The following COL28A1 variants were observed in gnomAD, a reference collection of about 807,000 sequenced individuals.
COL28A1 encodes the protein collagen type XXVIII alpha 1 chain, also known as collagen alpha-1(XXVIII) chain.
A neutral mutation model predicts 150.2 loss-of-function variants in COL28A1; 161 were observed. The observed-to-expected ratio is 1.07, with a 90% confidence interval of 0.94 to 1.22. The LOEUF (loss-of-function observed/expected upper bound fraction) is 1.22. Ranked by LOEUF, COL28A1 falls within the 50% of genes most tolerant of loss-of-function variation. COL28A1 has a pLI of 0.00. For missense variants in COL28A1, 1,617 were observed against 1,388.3 expected, an observed-to-expected ratio of 1.16 and a Z score of -2.62; for synonymous variants, 552 against 469.7, an observed-to-expected ratio of 1.18 and a Z score of -2.26.
intron 15 of COL28A1, among the ~76,000 whole-genome samples, chr7:7,471,926 G>A (rs1788465498): frequency 6.6e-6 from 1 of 152,050 alleles, no homozygotes; most frequent in Non-Finnish European, 1.5e-5. Flanking sequence ...AAAATCACAT[G>A]ATGATCTCAA....
Position 7,435,230 on chromosome 7 carries a change from T to C in COL28A1, c.1860+1165A>G, listed in dbSNP as rs558022348. ...AAACAGAAGTATATGTAGAGAGAGA[T>C]GTATAAATCGGATTGTGAATACACA... On this transcript the variant is annotated intron_variant, in intron 23 of 34. Coordinates refer to ENST00000399429, the MANE Select transcript of COL28A1 (RefSeq NM_001037763.3). Among the ~76,000 whole-genome samples, 87 of 152,322 alleles carry C rather than the reference T, an allele frequency of 5.7e-4. No homozygotes were observed. In the South Asian group the frequency reaches 0.017, roughly 30 times the overall value.
At chr7:7,510,033 C>T (rs1191529158) in intron 9 of COL28A1, among the ~76,000 whole-genome samples, 1 of 152,102 alleles carries the variant, frequency 6.6e-6, no homozygotes, top group East Asian at 1.9e-4. Flanking sequence ...CCCTCTTCTC[C>T]TAACCTTCTG....
At chr7:7,465,429 T>A (rs1788003584) in intron 15 of COL28A1, among the ~76,000 whole-genome samples, 1 of 139,896 alleles carries the variant, frequency 7.1e-6, no homozygotes, top group South Asian at 2.5e-4. Context: ...CGAGACTATA[T>A]CCCCCACCTG....
In COL28A1 at chr7:7,517,793, T is replaced by C; in HGVS notation, c.855+3A>G. The stretch of plus-strand genomic sequence containing the variant: ...TAGGAAGGCATTCCAGTTGTGTACA[T>C]ACCCCTGGACCTCTTTCTCCAGCTT... On this transcript the variant is annotated splice_donor_region_variant and intron_variant, in intron 7 of 34. Transcript: ENST00000399429. The C allele has an allele frequency of 6.2e-7, 1 of 1,613,682 alleles. No homozygotes were observed. The highest frequency in any genetic ancestry group is 1.1e-5 in the South Asian group (1 of 91,068).
chr7:7,440,813 G>A lies in COL28A1; in HGVS notation c.1699C>T (p.Leu567Phe), dbSNP rs761910495. 6 of 1,524,516 alleles carry A rather than the reference G, an allele frequency of 3.9e-6. No homozygotes were observed. Among genetic ancestry groups the A allele is most frequent in the Non-Finnish European group, 5.5e-6 (6 of 1,099,634 alleles). The allele number at this position is 1,524,516 out of a possible 1,614,324, so 94.4% of individuals were successfully genotyped here. A position where few individuals can be genotyped will look rare whatever the true frequency, so the allele number is the denominator to read the frequency against. The part of the protein sequence containing the change: ...GSKGNQGQRG[L>F]PGPEGPKGEP... ...ACCTTTGGTCCTTCGGGCCCTGGAA[G>A]TCCCCTCTGTCCTTGATTTCCTTTG... The change falls in exon 21 of 35, where the codon CTT becomes TTT. Residue 567 changes from leucine (L) to phenylalanine (F), a missense_variant. Leu to Phe is a conservative substitution (Grantham distance 22). Transcript: ENST00000399429.
intron 15 of COL28A1, among the ~76,000 whole-genome samples, chr7:7,463,427 A>ATAGGTAACCTATAAAGGAAAACC (rs1414991589): frequency 1.1e-4 from 16 of 152,164 alleles, no homozygotes; most frequent in Non-Finnish European, 2.1e-4. Context: ...TCTTTCCTGT[A>ATAGGTAACCTATAAAGGAAAACC]TAGGTAACCT....
At chr7:7,520,651 A>C (rs1781671932) in intron 5 of COL28A1, among the ~76,000 whole-genome samples, 1 of 152,172 alleles carries the variant, frequency 6.6e-6, no homozygotes, top group African/African-American at 2.4e-5. Context: ...ATCAACCAGA[A>C]AGCTTGCTTT....
At chr7:7,413,143 G>C (rs561302681) in intron 27 of COL28A1, among the ~76,000 whole-genome samples, 1 of 152,174 alleles carries the variant, frequency 6.6e-6, no homozygotes, top group Admixed American at 6.5e-5. Flanking sequence ...GGGACCCCAG[G>C]GTTTCTGTTG....
chr7:7,486,369 C>T (rs1176282956), intron 13 of COL28A1, among the ~76,000 whole-genome samples: 1 of 152,056 alleles, frequency 6.6e-6, no homozygotes, highest in Non-Finnish European at 1.5e-5. Flanking sequence ...TCTATGGAGG[C>T]CATCATATCA....
At chr7:7,542,126 G>A in the COL28A1 span, among the ~76,000 whole-genome samples, 1 of 152,206 alleles carries the variant, frequency 6.6e-6, no homozygotes, top group Non-Finnish European at 1.5e-5. Flanking sequence ...GAGGCGGGCA[G>A]ATCACAAGGT....
chr7:7,524,355 T>C (rs1781905378), intron 3 of COL28A1, 106 bp from the exon 4 acceptor site: 3 of 749,452 alleles, frequency 4.0e-6, no homozygotes, highest in South Asian at 1.7e-5. Context: ...CCACAAAGAA[T>C]AGCAATTCAG....
intron 15 of COL28A1, among the ~76,000 whole-genome samples, chr7:7,460,731 C>A (rs140366669): frequency 1.3e-5 from 2 of 152,178 alleles, no homozygotes; most frequent in Non-Finnish European, 2.9e-5. Flanking sequence ...AAATGTCTTT[C>A]GATAATGTCT....
intron 27 of COL28A1, among the ~76,000 whole-genome samples, chr7:7,383,682 G>GTGTGTATA (rs1554262302): frequency 2.0e-4 from 25 of 124,094 alleles, no homozygotes; most frequent in African/African-American, 3.0e-4. Flanking sequence ...GTGTGTGTGT[G>GTGTGTATA]TATATATATA....
At chr7:7,529,145 C>T (rs371078614) in intron 3 of COL28A1, among the ~76,000 whole-genome samples, 5 of 151,722 alleles carry the variant, frequency 3.3e-5, no homozygotes, top group African/African-American at 9.7e-5. Context: ...AAAAATGAGC[C>T]GGGCATGGTG....
At chr7:7,543,751 T>C in the COL28A1 span, among the ~76,000 whole-genome samples, 1 of 151,720 alleles carries the variant, frequency 6.6e-6, no homozygotes, top group African/African-American at 2.4e-5. Context: ...GTTTTTAATG[T>C]AATTTATTTA....
At chr7:7,342,586 G>A in the COL28A1 span, among the ~76,000 whole-genome samples, 1 of 151,186 alleles carries the variant, frequency 6.6e-6, no homozygotes, top group African/African-American at 2.4e-5. Context: ...TTGAAGCTAT[G>A]TCCTCTGTTT....
Position 7,443,645 on chromosome 7 carries a change from C to A in COL28A1, c.1590G>T (p.Ala530=). The A allele has an allele frequency of 6.2e-7, 1 of 1,614,008 alleles. No individual in the cohort carries two copies. The highest frequency in any genetic ancestry group is 2.2e-5 in the East Asian group (1 of 44,876). The change falls in exon 20 of 35, where the codon GCG becomes GCT. Residue 530 remains alanine, a synonymous_variant. Coordinates refer to ENST00000399429, the MANE Select transcript of COL28A1 (RefSeq NM_001037763.3). ...EDGAAGKKGE[A]GLPGARGPEG... ...CTGGGCCTCTTGCTCCCGGAAGCCC[C>A]GCTTCTCCCTAGAGAAAATGACACT...
intron 25 of COL28A1, among the ~76,000 whole-genome samples, chr7:7,429,302 A>T (rs1784811776): frequency 6.6e-6 from 1 of 152,114 alleles, no homozygotes; most frequent in Non-Finnish European, 1.5e-5. Context: ...GCTGCCATGG[A>T]CAATTTTTGG....
At chr7:7,381,400 C>G (rs79064057) in intron 28 of COL28A1, 144 bp downstream of exon 28, 5 of 644,784 alleles carry the variant, frequency 7.8e-6, no homozygotes, top group Middle Eastern at 3.0e-4. Flanking sequence ...AAGCAATGCA[C>G]GAGGATTTTA....
Sources: allele counts gnomAD v4.1 joint callset (sites outside exome capture counted in the v4.1 genomes callset), GRCh38; gene constraint gnomAD v4.1.1; transcripts MANE v1.5; gene names NCBI Gene and HGNC (gene_info 2026-07-23, HGNC 2026-07-21).